MBTPS2: variants seen among roughly 807,000 people sequenced by gnomAD.
The protein encoded by MBTPS2 is membrane-bound transcription factor site-2 protease.
MBTPS2 carries 2 observed loss-of-function variants against 35.4 expected under a neutral mutation model. The ratio of observed to expected loss-of-function variants is 0.06; its 90% CI spans 0.02 to 0.18. The LOEUF is 0.18. Among genes scored for constraint, MBTPS2 ranks in the 10% least tolerant of loss-of-function variants. The pLI is 1.00. For missense variants in MBTPS2, 244 were observed against 386.5 expected, an observed-to-expected ratio of 0.63 and a Z score of 3.09; for synonymous variants, 125 against 140.4, an observed-to-expected ratio of 0.89 and a Z score of 0.77.
In MBTPS2 at chrX:21,856,321, GC is replaced by G. The variant is rs2092921738; in HGVS notation, c.670+2820del. ...GCTCGCGCCTTTCTCTGCAGCTCGC[GC>G]CTTTCTCTGCAGCTCGCGCCTTTCT... On this transcript the variant is annotated intron_variant, in intron 5 of 10. Transcript: ENST00000379484. 1.1e-5 allele frequency: 5 copies of G among 461,106 alleles called. No individual in the cohort carries two copies. In the Admixed American group the frequency reaches 1.1e-4, roughly 10 times the overall value. 38.0% of individuals were successfully genotyped at this position (461,106 alleles called of 1,213,427 possible).
Position 21,884,780 on chromosome X carries a change from T to C in MBTPS2, c.*2125T>C, listed in dbSNP as rs1326238534. The C allele has an allele frequency of 3.0e-6, 2 of 663,265 alleles. No individual in the cohort carries two copies. The highest frequency in any genetic ancestry group is 1.8e-6 in the Non-Finnish European group (1 of 557,447). 54.7% of individuals were successfully genotyped at this position (663,265 alleles called of 1,213,427 possible). ...TAAATGCAGTTGAATGGATAATGAT[T>C]AGTGTTATTTATGGATTAGAAAAAG... On this transcript the variant is annotated 3_prime_UTR_variant, in exon 11 of 11. Transcript: ENST00000379484.
intron 7 of MBTPS2, among the ~76,000 whole-genome samples, chrX:21,873,734 G>C (rs187085037): frequency 1.8e-4 from 20 of 110,304 alleles, no homozygotes; most frequent in Non-Finnish European, 3.4e-4. Context: ...ACTGTCTTAC[G>C]TATCTTTAAC....
Position 21,840,848 on chromosome X carries a change from G to A in MBTPS2, c.75+1039G>A, listed in dbSNP as rs894035844. On this transcript the variant is annotated intron_variant, in intron 1 of 10. Coordinates refer to ENST00000379484, the MANE Select transcript of MBTPS2 (RefSeq NM_015884.4). ...CCTTAGATCCAGGGCTGGGCTTCTAGCCAATGTGACCTTGGGAAAATTGCT... is the reference window on the plus strand; with the variant it reads ...CCTTAGATCCAGGGCTGGGCTTCTAACCAATGTGACCTTGGGAAAATTGCT... Among the ~76,000 whole-genome samples, 27 of 112,015 alleles carry A rather than the reference G, an allele frequency of 2.4e-4. No individual in the cohort carries two copies. The Admixed American group carries it at 2.5e-3, about 10-fold the overall frequency.
chrX:21,844,600 T>C (rs1420924739), intron 2 of MBTPS2, among the ~76,000 whole-genome samples: 1 of 112,679 alleles, frequency 8.9e-6, no homozygotes, highest in Non-Finnish European at 1.9e-5. Context: ...GAAAATTCTA[T>C]GCCTATAAAT....
intron 5 of MBTPS2, among the ~76,000 whole-genome samples, chrX:21,866,607 A>AAG (rs993106497): frequency 8.9e-6 from 1 of 112,187 alleles, no homozygotes; most frequent in Non-Finnish European, 1.9e-5. Flanking sequence ...GGGCCTATAT[A>AAG]GAGAAACTAC....
chrX:21,858,553 A>G (rs1015493352), intron 5 of MBTPS2: 2 of 123,023 alleles, frequency 1.6e-5, no homozygotes, highest in Admixed American at 9.5e-5. Flanking sequence ...TAAACATCCT[A>G]CAATGCACAG....
chrX:21,848,846 T>C (rs989301744), intron 3 of MBTPS2, among the ~76,000 whole-genome samples: 7 of 111,796 alleles, frequency 6.3e-5, no homozygotes, highest in African/African-American at 2.3e-4. Context: ...AGATGAGATT[T>C]CTGTGTCCAT....
chrX:21,873,999 GTGTA>G lies in MBTPS2; in HGVS notation c.971-4041_971-4038del, dbSNP rs1170618372. Among the ~76,000 whole-genome samples, 421 of 62,865 alleles carry G rather than the reference GTGTA, an allele frequency of 6.7e-3. 2 individuals are homozygous for G. Among genetic ancestry groups the G allele is most frequent in the African/African-American group, 0.024 (388 of 16,428 alleles). 54.6% of individuals were successfully genotyped at this position (62,865 alleles called of 115,157 possible). ...TGTCTGTGTGTGTGTGTGTGTGTGT[GTGTA>G]TATATATATATATATACTTTTTTTT... is the stretch of plus-strand genomic sequence containing the variant. On this transcript the variant is annotated intron_variant, in intron 7 of 10. Coordinates refer to ENST00000379484, the MANE Select transcript of MBTPS2 (RefSeq NM_015884.4).
chrX:21,849,940 C>G (rs750303295), intron 3 of MBTPS2, among the ~76,000 whole-genome samples: 3 of 103,415 alleles, frequency 2.9e-5, no homozygotes, highest in African/African-American at 7.1e-5. Flanking sequence ...AGCAGGAGAA[C>G]GGCGTGAACC....
chrX:21,856,342 C>CTT (rs1330312030), intron 5 of MBTPS2: 1 of 551,929 alleles, frequency 1.8e-6, no homozygotes, highest in Admixed American at 3.2e-5. Context: ...CAGCTCGCGC[C>CTT]TTTCTCTGCA....
intron 5 of MBTPS2, chrX:21,856,748 G>A (rs1399737409): frequency 3.3e-6 from 4 of 1,210,011 alleles, no homozygotes; most frequent in Non-Finnish European, 4.5e-6. Context: ...AGGAAGTGGT[G>A]GGCTATTGCG....
chrX:21,880,690 G>A (rs918449113), intron 9 of MBTPS2, among the ~76,000 whole-genome samples: 1 of 111,764 alleles, frequency 8.9e-6, no homozygotes, highest in East Asian at 2.8e-4. Flanking sequence ...ACACTGGGAC[G>A]TATTTTTTCA....
chrX:21,845,156 T>A lies in MBTPS2; in HGVS notation c.225-15T>A. ...AGAAATTGTAAATTAACATGATTTT[T>A]TTCCCTTTTGACAGGTTCAATTTTG... On this transcript the variant is annotated splice_polypyrimidine_tract_variant and intron_variant, in intron 2 of 10. Transcript: ENST00000379484. 3 of 1,210,048 alleles carry A rather than the reference T, an allele frequency of 2.5e-6. No homozygotes were observed. The highest frequency in any genetic ancestry group is 3.4e-6 in the Non-Finnish European group (3 of 893,756).
chrX:21,863,098 A>G (rs1236200352), intron 5 of MBTPS2, among the ~76,000 whole-genome samples: 2 of 95,472 alleles, frequency 2.1e-5, no homozygotes, highest in Non-Finnish European at 4.2e-5. Flanking sequence ...CTCTAGAAAA[A>G]AAAACACACA....
At position 21,865,184 on chromosome X, in the gene MBTPS2, G is replaced by A. The variant is rs184450464; in HGVS notation, c.671-3283G>A. ...CAGGCATGAGCTAGAGCTACCACACGGGGCTATTTCTTTAAAAAAAAAAAA... is the reference window on the plus strand; with the variant it reads ...CAGGCATGAGCTAGAGCTACCACACAGGGCTATTTCTTTAAAAAAAAAAAA... On this transcript the variant is annotated intron_variant, in intron 5 of 10. Transcript: ENST00000379484. Among the ~76,000 whole-genome samples, 150 of 106,966 alleles carry A rather than the reference G, an allele frequency of 1.4e-3. 1 individual carries two copies. Among genetic ancestry groups the A allele is most frequent in the African/African-American group, 5.0e-3 (146 of 29,339 alleles). The allele number at this position is 106,966 out of a possible 115,157, so 92.9% of individuals were successfully genotyped here.
chrX:21,856,226 C>T, intron 5 of MBTPS2: 2 of 372,266 alleles, frequency 5.4e-6, no homozygotes, highest in East Asian at 4.2e-5. Flanking sequence ...TAGGCGCATG[C>T]GTCTGGCTAT....
intron 2 of MBTPS2, 53 bp from the exon 3 acceptor site, chrX:21,845,118 T>G: frequency 8.3e-7 from 1 of 1,210,813 alleles, no homozygotes. Context: ...AATTTGCTAG[T>G]CCATGAATTG....
chrX:21,850,643 A>G (rs950007690), intron 3 of MBTPS2, among the ~76,000 whole-genome samples: 6 of 111,364 alleles, frequency 5.4e-5, no homozygotes, highest in African/African-American at 2.0e-4. Flanking sequence ...TCTTTAACAG[A>G]TGACATAACT....
At chrX:21,842,300 T>C (rs1012161337) in intron 1 of MBTPS2, among the ~76,000 whole-genome samples, 5 of 112,211 alleles carry the variant, frequency 4.5e-5, no homozygotes, top group African/African-American at 1.6e-4. Context: ...AGGGACATTA[T>C]TGAGCCCAAG....
Sources: gnomAD v4.1 joint callset for allele counts (sites outside exome capture counted in the v4.1 genomes callset) on GRCh38, gnomAD v4.1.1 for gene constraint, MANE v1.5 for transcripts, NCBI Gene and HGNC (gene_info 2026-07-23, HGNC 2026-07-21) for gene names.